Variants in CASZ1 observed in about 807,000 individuals in gnomAD.
CASZ1 encodes the protein castor zinc finger 1.
In CASZ1, 28 loss-of-function variants were observed where a neutral mutation model predicts 135.2. The ratio of observed to expected loss-of-function variants is 0.21; its 90% CI spans 0.15 to 0.28. CASZ1 has a LOEUF of 0.28. Among genes scored for constraint, CASZ1 ranks in the 10% least tolerant of loss-of-function variants. The pLI, the probability that CASZ1 is intolerant of heterozygous loss-of-function variation, is 1.00. For synonymous variants in CASZ1, 1,068 were observed against 1,073.4 expected (o/e 0.99, Z 0.10); for missense variants, 2,161 against 2,453.3 (o/e 0.88, Z 2.52).
intron 2 of CASZ1, among the ~76,000 whole-genome samples, chr1:10,745,285 C>G (rs1439706605): frequency 6.6e-6 from 1 of 152,240 alleles, no homozygotes; most frequent in Non-Finnish European, 1.5e-5. Context: ...CTCAGGGAAC[C>G]CCAGGCAGCC....
At chr1:10,658,671 G>T in intron 6 of CASZ1, 95 bp from the exon 7 acceptor site, 2 of 1,096,608 alleles carry the variant, frequency 1.8e-6, no homozygotes, top group Non-Finnish European at 2.8e-6. Context: ...TGAGGCCCCA[G>T]CCCCTCTGCT....
At chr1:10,753,609 G>A (rs2100560125) in intron 2 of CASZ1, among the ~76,000 whole-genome samples, 1 of 152,262 alleles carries the variant, frequency 6.6e-6, no homozygotes, top group Middle Eastern at 3.4e-3. Context: ...CCAGGGAGGC[G>A]GGTGGGGGTC....
rs1350675712 is a variant in CASZ1 at position 10,759,283 on chromosome 1, G to T, written c.-77+1418C>A. Among the ~76,000 whole-genome samples the T allele has an allele frequency of 6.6e-6, 1 of 152,166 alleles. No individual in the cohort carries two copies. Among genetic ancestry groups the T allele is most frequent in the Non-Finnish European group, 1.5e-5 (1 of 68,020 alleles). On this transcript the variant is annotated intron_variant, in intron 2 of 20. Coordinates refer to ENST00000377022, the MANE Select transcript of CASZ1 (RefSeq NM_001079843.3). This position sits in a 1 kb window ranked among gnomAD's most constrained non-coding sequence, Gnocchi z 4.2. ...GAGGAAGCAGAGTCTGTTAAGAATA[G>T]CCCGGGAAGGTGGCAGAGGTGCAGG...
intron 6 of CASZ1, among the ~76,000 whole-genome samples, chr1:10,659,450 C>T (rs970700597): frequency 3.3e-5 from 5 of 151,954 alleles, no homozygotes; most frequent in Admixed American, 1.3e-4. Flanking sequence ...GGTCCAGGAG[C>T]GGGGGGGCGC....
At chr1:10,690,882 A>T (rs1030370943) in intron 4 of CASZ1, among the ~76,000 whole-genome samples, 1 of 151,950 alleles carries the variant, frequency 6.6e-6, no homozygotes, top group African/African-American at 2.4e-5. Flanking sequence ...CGCCATTTTC[A>T]CCCTGGCTTC....
chr1:10,664,872 T>G (rs1643176598), intron 5 of CASZ1, among the ~76,000 whole-genome samples: 1 of 145,854 alleles, frequency 6.9e-6, no homozygotes, highest in Non-Finnish European at 1.5e-5. Flanking sequence ...AGACCCACTG[T>G]GTGTGGGGCA....
intron 2 of CASZ1, among the ~76,000 whole-genome samples, chr1:10,740,149 T>G (rs1639886117): frequency 6.6e-6 from 1 of 152,228 alleles, no homozygotes; most frequent in African/African-American, 2.4e-5. Context: ...AGTTACCGAT[T>G]CTATGTCACA....
intron 1 of CASZ1, among the ~76,000 whole-genome samples, chr1:10,765,331 C>T (rs940210470): frequency 2.0e-5 from 3 of 151,040 alleles, no homozygotes; most frequent in East Asian, 2.0e-4. Flanking sequence ...ATAAACCACC[C>T]GAGTGAAAAC....
chr1:10,681,792 G>T (rs1317879725), intron 4 of CASZ1, among the ~76,000 whole-genome samples: 1 of 152,202 alleles, frequency 6.6e-6, no homozygotes, highest in Non-Finnish European at 1.5e-5. Context: ...GGGGCTCCAG[G>T]AACCTTTCCT....
rs1642952021 is a variant in CASZ1 at position 10,659,862 on chromosome 1, TG to T, written c.1179del (p.Ser394AlafsTer35). On this transcript the variant is annotated frameshift_variant, in exon 6 of 21. Transcript: ENST00000377022. LOFTEE classifies it high-confidence loss of function. ...CTGGCGAGGGGTGCGGGAGCCAGGC[TG>T]GGGGTGGGCGGAACCTTGGCGGGGC... ...KPGPAKVPPT[P>X]SLAPAPLASV... 1 of 1,609,776 alleles carries T rather than the reference TG, an allele frequency of 6.2e-7. No homozygotes were observed. Among genetic ancestry groups the T allele is most frequent in the Non-Finnish European group, 8.5e-7 (1 of 1,178,378 alleles).
chr1:10,649,308 C>G lies in CASZ1; in HGVS notation c.3010G>C (p.Glu1004Gln). 1.3e-6 allele frequency: 2 copies of G among 1,596,400 alleles called. No individual in the cohort carries two copies. Among genetic ancestry groups the G allele is most frequent in the Non-Finnish European group, 1.7e-6 (2 of 1,171,576 alleles). Residue 1004 changes from glutamate to glutamine, a missense_variant, in exon 14 of 21, where the codon GAG becomes CAG. This residue lies in a region of CASZ1 where 406 missense variants were observed against 387.6 expected (regional missense o/e 1.05). Transcript: ENST00000377022. ...VKALVQEKLAEPWKVYLRRFG... is the reference protein window; with the variant it reads ...VKALVQEKLAQPWKVYLRRFG... ...CTGCGCAGGTACACCTTCCAGGGCT[C>G]TGCCAACTTCTCCTGAACCAGCGCC...
rs1272058881 is a variant in CASZ1 at position 10,724,857 on chromosome 1, G to T, written c.-76-19313C>A. Among the ~76,000 whole-genome samples the T allele has an allele frequency of 1.3e-5, 2 of 152,250 alleles. No individual in the cohort carries two copies. Among genetic ancestry groups the T allele is most frequent in the Admixed American group, 1.3e-4 (2 of 15,288 alleles). ...GGGGACACAGCCAACCTGGGGAAGA[G>T]AAGGTGCTCAACTTCTCTCTTTCTC... On this transcript the variant is annotated intron_variant, in intron 2 of 20. Transcript: ENST00000377022. The surrounding 1 kb of genome is among the most constrained non-coding windows in gnomAD (Gnocchi z 4.1).
chr1:10,662,293 C>A (rs1012411146), intron 5 of CASZ1, among the ~76,000 whole-genome samples: 23 of 147,196 alleles, frequency 1.6e-4, no homozygotes, highest in Non-Finnish European at 3.0e-5. Context: ...TCACATACAA[C>A]ACACACATAC....
At chr1:10,680,947 C>T (rs563250825) in intron 4 of CASZ1, among the ~76,000 whole-genome samples, 1 of 152,336 alleles carries the variant, frequency 6.6e-6, no homozygotes, top group African/African-American at 2.4e-5. Context: ...GTCGCCCAGG[C>T]TGGAGTGCAG....
At position 10,651,058 on chromosome 1, in the gene CASZ1, G is replaced by T; in HGVS notation, c.2699C>A (p.Thr900Asn). 1 of 1,536,434 alleles carries T rather than the reference G, an allele frequency of 6.5e-7. No individual in the cohort carries two copies. Among genetic ancestry groups the T allele is most frequent in the Non-Finnish European group, 8.7e-7 (1 of 1,150,238 alleles). Residue 900 changes from threonine (T) to asparagine (N), a missense_variant, in exon 12 of 21, where the codon ACC (threonine) becomes AAC (asparagine). By Grantham distance (65) the Thr-to-Asn change is moderately conservative (BLOSUM62 0). Coordinates refer to ENST00000377022, the MANE Select transcript of CASZ1 (RefSeq NM_001079843.3). ...TTGGGCCGGGGGGAACCTGGCTGGG[G>T]TGACCTGCTGCCCGCTTCCTGCAGG... ...TFDPGSGQQV[T>N]PARFPPAQVK...
chr1:10,639,592 T>G lies in CASZ1; in HGVS notation c.4630A>C (p.Ser1544Arg). ...CTGAACTGGCAGAAGCCCGCGGCGCTGATCACGTCCTGTTTGCCGTGGTGC... is the reference window on the plus strand; with the variant it reads ...CTGAACTGGCAGAAGCCCGCGGCGCGGATCACGTCCTGTTTGCCGTGGTGC... ...RKHHGKQDVI[S>R]AAGFCQFSSS... Residue 1544 changes from serine (S) to arginine (R), a missense_variant, in exon 21 of 21, where the codon AGC (serine) becomes CGC (arginine). Around this residue, in one of 7 missense-constraint regions of CASZ1, gnomAD observed 240 missense variants for 321.4 expected, o/e 0.75. Coordinates refer to ENST00000377022, the MANE Select transcript of CASZ1 (RefSeq NM_001079843.3). This position sits in a 1 kb window ranked among gnomAD's most constrained non-coding sequence, Gnocchi z 4.0. The G allele has an allele frequency of 6.2e-7, 1 of 1,611,908 alleles. No homozygotes were observed. Among genetic ancestry groups the G allele is most frequent in the East Asian group, 2.2e-5 (1 of 44,858 alleles).
At chr1:10,677,943 G>A (rs1428625816) in intron 4 of CASZ1, among the ~76,000 whole-genome samples, 4 of 152,262 alleles carry the variant, frequency 2.6e-5, no homozygotes, top group African/African-American at 9.6e-5. Context: ...GAAGCAAAGT[G>A]GAGGCTGGCT....
At chr1:10,714,528 C>G (rs1035273109) in intron 2 of CASZ1, among the ~76,000 whole-genome samples, 2 of 152,172 alleles carry the variant, frequency 1.3e-5, no homozygotes, top group Non-Finnish European at 2.9e-5. Flanking sequence ...GCTGGAGTGG[C>G]CACTGGTGCT....
At chr1:10,659,557 G>A in intron 6 of CASZ1, 145 bp downstream of exon 6, 1 of 656,202 alleles carries the variant, frequency 1.5e-6, no homozygotes, top group Non-Finnish European at 2.7e-6. Flanking sequence ...GAGCCTGAGT[G>A]TGCACGCGCC....
Sources: gnomAD v4.1 joint callset for allele counts (sites outside exome capture counted in the v4.1 genomes callset) on GRCh38, gnomAD v4.1.1 for gene constraint, gnomAD v4.1.1 regional missense constraint, Gnocchi (gnomAD v3.1) non-coding constraint, MANE v1.5 for transcripts, NCBI Gene and HGNC (gene_info 2026-07-23, HGNC 2026-07-21) for gene names.